Variants in LDB2 observed in about 807,000 individuals in gnomAD.
The protein encoded by LDB2 is LIM domain binding 2.
A neutral mutation model predicts 44.3 loss-of-function variants in LDB2; 12 were observed. The ratio of observed to expected loss-of-function variants is 0.27; its 90% CI spans 0.17 to 0.44. The LOEUF is 0.44. LDB2 is among the 20% of genes least tolerant of loss of function. The pLI, the probability that LDB2 is intolerant of heterozygous loss-of-function variation, is 1.00. For synonymous variants in LDB2, 164 were observed against 174.8 expected (o/e 0.94, Z 0.49); for missense variants, 344 against 473.5 (o/e 0.73, Z 2.54).
At chr4:16,839,736 G>A (rs534824195) in intron 1 of LDB2, among the ~76,000 whole-genome samples, 1 of 152,238 alleles carries the variant, frequency 6.6e-6, no homozygotes, top group Admixed American at 6.5e-5. Context: ...AACTAAAAAA[G>A]ATACTATTAT....
At chr4:16,505,968 G>A in intron 7 of LDB2, 1 of 1,551,652 alleles carries the variant, frequency 6.4e-7, no homozygotes, top group Non-Finnish European at 8.7e-7. Flanking sequence ...TGCAGTTCGG[G>A]ATCGCTCCTA....
intron 5 of LDB2, among the ~76,000 whole-genome samples, chr4:16,518,284 G>T (rs979212639): frequency 6.6e-6 from 1 of 152,116 alleles, no homozygotes; most frequent in African/African-American, 2.4e-5. Context: ...CGAATCTCAG[G>T]AACAGGTGGT....
At chr4:16,622,981 G>A (rs1418576118) in intron 2 of LDB2, among the ~76,000 whole-genome samples, 1 of 152,062 alleles carries the variant, frequency 6.6e-6, no homozygotes. Context: ...TAGACACTTT[G>A]AGCCAACCCC....
chr4:16,816,892 C>T (rs1414417763), intron 1 of LDB2, among the ~76,000 whole-genome samples: 3 of 152,048 alleles, frequency 2.0e-5, no homozygotes, highest in Admixed American at 6.6e-5. Flanking sequence ...TCTACATATC[C>T]TTTGTGGTGC....
chr4:16,688,395 A>C (rs1749777289), intron 2 of LDB2, among the ~76,000 whole-genome samples: 1 of 152,236 alleles, frequency 6.6e-6, no homozygotes, highest in African/African-American at 2.4e-5. Context: ...CATTGATGGC[A>C]GCTGCCTGAG....
At chr4:16,554,525 A>C (rs1374103543) in intron 5 of LDB2, among the ~76,000 whole-genome samples, 21 of 152,292 alleles carry the variant, frequency 1.4e-4, no homozygotes, top group Non-Finnish European at 2.5e-4. Flanking sequence ...GCTTGGCTAC[A>C]TGTTGGAATC....
chr4:16,880,432 A>G (rs1719712242), intron 1 of LDB2, among the ~76,000 whole-genome samples: 1 of 152,180 alleles, frequency 6.6e-6, no homozygotes, highest in East Asian at 1.9e-4. Flanking sequence ...CAAAAGGGCC[A>G]TAGGCTCACT....
intron 2 of LDB2, among the ~76,000 whole-genome samples, chr4:16,740,368 T>C (rs1331376258): frequency 6.6e-6 from 1 of 152,258 alleles, no homozygotes; most frequent in East Asian, 1.9e-4. Context: ...ATGCGAGCCT[T>C]GGAGGTTTAT....
At chr4:16,571,599 C>T (rs1266821333) in intron 5 of LDB2, among the ~76,000 whole-genome samples, 5 of 152,168 alleles carry the variant, frequency 3.3e-5, no homozygotes, top group African/African-American at 1.2e-4. Flanking sequence ...TGGCGGTTTA[C>T]CTTCTGCATG....
intron 2 of LDB2, among the ~76,000 whole-genome samples, chr4:16,621,178 A>G (rs1319423285): frequency 6.6e-6 from 1 of 152,198 alleles, no homozygotes; most frequent in Non-Finnish European, 1.5e-5. Flanking sequence ...GGGGGAGCAT[A>G]TCTCTGAGGT....
intron 5 of LDB2, among the ~76,000 whole-genome samples, chr4:16,534,897 T>G (rs546988610): frequency 6.6e-6 from 1 of 152,150 alleles, no homozygotes; most frequent in African/African-American, 2.4e-5. Flanking sequence ...CACATCAGCA[T>G]GGCCACCCCA....
chr4:16,829,292 T>C (rs1783626068), intron 1 of LDB2, among the ~76,000 whole-genome samples: 1 of 152,138 alleles, frequency 6.6e-6, no homozygotes. Flanking sequence ...GTTAGCACCA[T>C]ATGTTTAAGG....
chr4:16,887,415 T>A (rs967768161), intron 1 of LDB2, among the ~76,000 whole-genome samples: 1 of 152,156 alleles, frequency 6.6e-6, no homozygotes, highest in Non-Finnish European at 1.5e-5. Context: ...GTAGGTTCCA[T>A]CAAATTAGAA....
chr4:16,520,205 G>T (rs1725494587), intron 5 of LDB2, among the ~76,000 whole-genome samples: 1 of 152,012 alleles, frequency 6.6e-6, no homozygotes, highest in Admixed American at 6.6e-5. Context: ...GATGATGGGG[G>T]TGGGGGGAGA....
chr4:16,723,845 A>C (rs2152686371), intron 2 of LDB2, among the ~76,000 whole-genome samples: 1 of 152,228 alleles, frequency 6.6e-6, no homozygotes, highest in South Asian at 2.1e-4. Flanking sequence ...ACCTACAGTA[A>C]GAATCAACAC....
intron 2 of LDB2, among the ~76,000 whole-genome samples, chr4:16,697,200 GGATCACGA>G (rs1342086865): frequency 3.3e-5 from 5 of 151,544 alleles, no homozygotes; most frequent in Admixed American, 1.3e-4. Flanking sequence ...TGAGGCGGGC[GGATCACGA>G]GATCAGGAGA....
chr4:16,579,602 T>TCATCC (rs1263605937), intron 5 of LDB2, among the ~76,000 whole-genome samples: 6 of 152,180 alleles, frequency 3.9e-5, no homozygotes, highest in African/African-American at 1.4e-4. Context: ...TGTGAGGGCC[T>TCATCC]CATACCATGT....
intron 5 of LDB2, among the ~76,000 whole-genome samples, chr4:16,541,920 A>G (rs549816195): frequency 1.2e-4 from 18 of 152,246 alleles, no homozygotes; most frequent in African/African-American, 4.1e-4. Context: ...AAATGCACCT[A>G]GTTAGGTTTG....
chr4:16,759,461 A>G, intron 1 of LDB2: 1 of 556,634 alleles, frequency 1.8e-6, no homozygotes, highest in Non-Finnish European at 3.2e-6. Context: ...CAATTCAATA[A>G]GTGAGCTCAA....
Sources: allele counts gnomAD v4.1 joint callset (sites outside exome capture counted in the v4.1 genomes callset), GRCh38; gene constraint gnomAD v4.1.1; transcripts MANE v1.5; gene names NCBI Gene and HGNC (gene_info 2026-07-23, HGNC 2026-07-21).